Variants in SH2D4B observed in about 807,000 individuals in gnomAD.
SH2D4B encodes the protein SH2 domain containing 4B, also known as SH2 domain-containing protein 4B.
A neutral mutation model predicts 61.5 loss-of-function variants in SH2D4B; 45 were observed. The observed-to-expected ratio is 0.73, with a 90% CI of 0.58 to 0.94. SH2D4B has a LOEUF of 0.94. Ranked by LOEUF, SH2D4B falls within the 40% of genes least tolerant of loss-of-function variation. The pLI, the probability that SH2D4B is intolerant of heterozygous loss-of-function variation, is 0.00. For synonymous variants in SH2D4B, 224 were observed against 220.4 expected (o/e 1.02, Z -0.14); for missense variants, 572 against 574.2 (o/e 1.00, Z 0.04).
At chr10:80,632,861 G>A (rs1842848379) in intron 6 of SH2D4B, among the ~76,000 whole-genome samples, 1 of 150,774 alleles carries the variant, frequency 6.6e-6, no homozygotes, top group Non-Finnish European at 1.5e-5. Flanking sequence ...GTGGCGAAAG[G>A]GCTCCTCACT....
chr10:80,615,292 A>C (rs1842648286), intron 6 of SH2D4B, among the ~76,000 whole-genome samples: 1 of 152,180 alleles, frequency 6.6e-6, no homozygotes, highest in Non-Finnish European at 1.5e-5. Flanking sequence ...AGGACCAGAG[A>C]GCTTGAGAAA....
chr10:80,572,965 TATATATATATATATATATA>T (rs1356545081), intron 3 of SH2D4B, among the ~76,000 whole-genome samples: 17 of 8,130 alleles, frequency 2.1e-3, no homozygotes, highest in Non-Finnish European at 4.3e-3. Context: ...TATATATATA[TATATATATATATATATATA>T]TATTTTTTTT....
At chr10:80,568,533 G>T (rs144997582) in intron 1 of SH2D4B, among the ~76,000 whole-genome samples, 6 of 152,150 alleles carry the variant, frequency 3.9e-5, no homozygotes, top group South Asian at 2.1e-4. Flanking sequence ...GTGGTTGAAG[G>T]TGGACGGAGC....
At chr10:80,636,822 G>C (rs1043895494) in intron 7 of SH2D4B, among the ~76,000 whole-genome samples, 1 of 152,128 alleles carries the variant, frequency 6.6e-6, no homozygotes, top group Non-Finnish European at 1.5e-5. Context: ...TTTGGCTTTT[G>C]TTGCCATTGC....
intron 3 of SH2D4B, among the ~76,000 whole-genome samples, chr10:80,577,310 T>A (rs1159569299): frequency 6.6e-6 from 1 of 152,176 alleles, no homozygotes; most frequent in African/African-American, 2.4e-5. Context: ...AACCAAATGA[T>A]TGACCTCAAT....
At chr10:80,557,706 A>G (rs1040495122) in intron 1 of SH2D4B, among the ~76,000 whole-genome samples, 15 of 152,102 alleles carry the variant, frequency 9.9e-5, no homozygotes, top group African/African-American at 2.9e-4. Flanking sequence ...TTCATGCCTG[A>G]AAGTTGTGTC....
intron 6 of SH2D4B, among the ~76,000 whole-genome samples, chr10:80,613,483 G>T (rs906048576): frequency 1.3e-5 from 2 of 152,248 alleles, no homozygotes; most frequent in Non-Finnish European, 2.9e-5. Flanking sequence ...TGGCTGCCTT[G>T]CTGCTTGCCC....
At chr10:80,544,934 T>C (rs1427573336) in intron 1 of SH2D4B, among the ~76,000 whole-genome samples, 1 of 152,196 alleles carries the variant, frequency 6.6e-6, no homozygotes, top group East Asian at 1.9e-4. Flanking sequence ...CTCATGAGGC[T>C]CTTCTGGGTC....
chr10:80,568,872 T>G (rs970638473), intron 1 of SH2D4B, among the ~76,000 whole-genome samples: 2 of 152,156 alleles, frequency 1.3e-5, no homozygotes, highest in Admixed American at 6.5e-5. Context: ...TTCAACCTCC[T>G]CCCTTAGAAT....
At chr10:80,567,171 T>C (rs71483311) in intron 1 of SH2D4B, among the ~76,000 whole-genome samples, 13,669 of 152,104 alleles carry the variant, frequency 0.09, 647 homozygotes, top group Middle Eastern at 0.11. Flanking sequence ...AGAGTGAAAA[T>C]GTGGAAAAGG....
At chr10:80,559,354 A>T (rs1841876060) in intron 1 of SH2D4B, among the ~76,000 whole-genome samples, 1 of 152,200 alleles carries the variant, frequency 6.6e-6, no homozygotes, top group South Asian at 2.1e-4. Flanking sequence ...AATATTATAA[A>T]TACCCATGGG....
At chr10:80,597,988 G>C (rs1448332023) in intron 4 of SH2D4B, among the ~76,000 whole-genome samples, 1 of 152,170 alleles carries the variant, frequency 6.6e-6, no homozygotes, top group Non-Finnish European at 1.5e-5. Flanking sequence ...AGAGGAGGCA[G>C]GTGGAAAGAG....
At chr10:80,544,333 C>A (rs1428668713) in intron 1 of SH2D4B, among the ~76,000 whole-genome samples, 1 of 152,186 alleles carries the variant, frequency 6.6e-6, no homozygotes, top group East Asian at 1.9e-4. Context: ...AAACTCCGAA[C>A]ACATCTGAAC....
chr10:80,541,835 G>C (rs905685445), intron 1 of SH2D4B, among the ~76,000 whole-genome samples: 1 of 152,200 alleles, frequency 6.6e-6, no homozygotes, highest in Non-Finnish European at 1.5e-5. Flanking sequence ...GGAACCCACA[G>C]AAGTAAGCTT....
chr10:80,646,500 G>A lies in SH2D4B; in HGVS notation c.*2415G>A, dbSNP rs938632987. 3.9e-5 allele frequency: 6 copies of A among 152,064 alleles called. No individual in the cohort carries two copies. The highest frequency in any genetic ancestry group is 7.2e-5 in the African/African-American group (3 of 41,404). The allele number at this position is 152,064 out of a possible 1,614,324, so 9.4% of individuals were successfully genotyped here. On this transcript the variant is annotated 3_prime_UTR_variant, in exon 8 of 8. Transcript: ENST00000646907. ...TGTCCTGCAAATGAAATTACTGTCT[G>A]GAAAACTGCAATTTCATCTTGAGAG...
intron 7 of SH2D4B, among the ~76,000 whole-genome samples, chr10:80,641,194 T>G (rs1158158297): frequency 6.6e-6 from 1 of 152,208 alleles, no homozygotes; most frequent in African/African-American, 2.4e-5. Flanking sequence ...CCTGCCTGTA[T>G]GAGGTGTCAG....
intron 7 of SH2D4B, among the ~76,000 whole-genome samples, chr10:80,640,425 C>T (rs1840270493): frequency 6.6e-6 from 1 of 152,196 alleles, no homozygotes; most frequent in Non-Finnish European, 1.5e-5. Context: ...TCAGGCACAC[C>T]AATCAGACGT....
chr10:80,565,741 C>A (rs938200430), intron 1 of SH2D4B, among the ~76,000 whole-genome samples: 7 of 152,196 alleles, frequency 4.6e-5, no homozygotes, highest in Admixed American at 2.0e-4. Context: ...AAAAGTTTTC[C>A]AGTGGCTCCA....
intron 4 of SH2D4B, among the ~76,000 whole-genome samples, chr10:80,589,210 G>T (rs1305994214): frequency 6.6e-5 from 10 of 152,016 alleles, no homozygotes; most frequent in Non-Finnish European, 5.9e-5. Context: ...CACCAGGTTG[G>T]CCAGGCTGGT....
Sources: gnomAD v4.1 joint callset for allele counts (sites outside exome capture counted in the v4.1 genomes callset) on GRCh38, gnomAD v4.1.1 for gene constraint, MANE v1.5 for transcripts, NCBI Gene and HGNC (gene_info 2026-07-23, HGNC 2026-07-21) for gene names.